Variants in TRAPPC9 observed in about 807,000 individuals in gnomAD.
TRAPPC9 encodes the protein IKK2 binding protein.
TRAPPC9 carries 83 observed loss-of-function variants against 124.0 expected under a neutral mutation model. The observed-to-expected ratio is 0.67, with a 90% CI of 0.56 to 0.80. The LOEUF (loss-of-function observed/expected upper bound fraction) is 0.80, where lower values mean the gene tolerates loss of function less well. TRAPPC9 is among the 30% of genes least tolerant of loss of function. The probability of loss-of-function intolerance (pLI) is 0.00; values close to 1 mark genes in which losing one functional copy is unlikely to be tolerated. For synonymous variants in TRAPPC9, 638 were observed against 617.5 expected (o/e 1.03, Z -0.49); for missense variants, 1,302 against 1,508.3 (o/e 0.86, Z 2.27).
chr8:140,246,759 C>A lies in TRAPPC9; in HGVS notation c.2431+6018G>T, dbSNP rs181948724. Among the ~76,000 whole-genome samples the A allele has an allele frequency of 2.8e-3, 430 of 152,120 alleles. 3 individuals are homozygous for A. Among genetic ancestry groups the A allele is most frequent in the African/African-American group, 9.8e-3 (408 of 41,496 alleles). ...CAGCACTTTGGGAGGCCGAGGCGGG[C>A]GGATCACCTGAGGTCAGGAGTTTGA... On this transcript the variant is annotated intron_variant, in intron 16 of 22. Coordinates refer to ENST00000438773, the MANE Select transcript of TRAPPC9 (RefSeq NM_001160372.4).
At chr8:140,113,495 G>C (rs896620553) in intron 17 of TRAPPC9, among the ~76,000 whole-genome samples, 5 of 152,212 alleles carry the variant, frequency 3.3e-5, no homozygotes, top group Non-Finnish European at 7.3e-5. Context: ...GTCAAGGATG[G>C]GGAGAGAGAC....
intron 21 of TRAPPC9, among the ~76,000 whole-genome samples, chr8:139,789,186 C>T (rs568949828): frequency 1.4e-5 from 2 of 146,856 alleles, no homozygotes; most frequent in East Asian, 1.9e-4. Context: ...ACGGCCTGCC[C>T]GGCGGGCGGG....
intron 8 of TRAPPC9, among the ~76,000 whole-genome samples, chr8:140,368,122 G>A (rs967096995): frequency 7.9e-5 from 12 of 152,140 alleles, no homozygotes; most frequent in Admixed American, 7.9e-4. Context: ...GGCTGTGCTG[G>A]CTGTGCTGAT....
chr8:139,950,069 C>T (rs1834538635), intron 19 of TRAPPC9, among the ~76,000 whole-genome samples: 1 of 152,224 alleles, frequency 6.6e-6, no homozygotes, highest in African/African-American at 2.4e-5. Context: ...TAGCACGGCA[C>T]CCCCTAGAAA....
chr8:140,300,314 C>A (rs2065936999), intron 11 of TRAPPC9, among the ~76,000 whole-genome samples, 155 bp downstream of exon 11: 1 of 151,070 alleles, frequency 6.6e-6, no homozygotes, highest in African/African-American at 2.5e-5. Flanking sequence ...CACACATGCA[C>A]ACACATATAC....
At chr8:139,735,452 C>T (rs1818095984) in intron 21 of TRAPPC9, among the ~76,000 whole-genome samples, 1 of 152,174 alleles carries the variant, frequency 6.6e-6, no homozygotes, top group African/African-American at 2.4e-5. Context: ...GCCCTTCTCC[C>T]TCCTCTACCT....
chr8:140,168,673 G>A (rs1370336977), intron 17 of TRAPPC9, among the ~76,000 whole-genome samples: 1 of 152,198 alleles, frequency 6.6e-6, no homozygotes, highest in Non-Finnish European at 1.5e-5. Context: ...CTCCCTCGAA[G>A]GCAAGGACAG....
chr8:140,204,656 C>T (rs2062878615), intron 17 of TRAPPC9, among the ~76,000 whole-genome samples: 1 of 152,210 alleles, frequency 6.6e-6, no homozygotes. Flanking sequence ...CACTCACTTG[C>T]TCCTGCTCTT....
chr8:140,199,234 A>G (rs532111909), intron 17 of TRAPPC9, among the ~76,000 whole-genome samples: 72 of 152,106 alleles, frequency 4.7e-4, no homozygotes, highest in African/African-American at 1.7e-3. Flanking sequence ...GGAGGGGCCT[A>G]AGGGTCTGTA....
At position 140,166,130 on chromosome 8, in the gene TRAPPC9, T is replaced by C. The variant is rs116117697; in HGVS notation, c.2556+55329A>G. ...AGCAACCTCAGTGCGATAACACTCA[T>C]CATGATGCCCAAAAGGCATGACCGA... On this transcript the variant is annotated intron_variant, in intron 17 of 22. Coordinates refer to ENST00000438773, the MANE Select transcript of TRAPPC9 (RefSeq NM_001160372.4). Among the ~76,000 whole-genome samples, 700 of 152,268 alleles carry C rather than the reference T, an allele frequency of 4.6e-3. 5 individuals are homozygous for C. Among genetic ancestry groups the C allele is most frequent in the African/African-American group, 0.016 (679 of 41,554 alleles).
intron 19 of TRAPPC9, among the ~76,000 whole-genome samples, chr8:139,983,389 C>T (rs1837037509): frequency 6.6e-6 from 1 of 152,166 alleles, no homozygotes; most frequent in Non-Finnish European, 1.5e-5. Flanking sequence ...CATCACCTCT[C>T]CAGGAAGCCC....
At chr8:140,055,711 T>C (rs940216363) in intron 17 of TRAPPC9, among the ~76,000 whole-genome samples, 2 of 152,086 alleles carry the variant, frequency 1.3e-5, no homozygotes, top group Non-Finnish European at 2.9e-5. Flanking sequence ...ACACTAACAA[T>C]GAACTATCAG....
In TRAPPC9 at chr8:140,388,463, C is replaced by T. The variant is rs1456250263; in HGVS notation, c.1134+9157G>A. Among the ~76,000 whole-genome samples, 3 of 152,054 alleles carry T rather than the reference C, an allele frequency of 2.0e-5. No homozygotes were observed. The East Asian group carries it at 5.8e-4, about 29-fold the overall frequency. On this transcript the variant is annotated intron_variant, in intron 7 of 22. Coordinates refer to ENST00000438773, the MANE Select transcript of TRAPPC9 (RefSeq NM_001160372.4). Reference sequence around the variant, plus strand: ...CTTTGGGAGGCCAAGGCGGGCGGATCACCTGAAGTTGGGAGTTTGAGACCA... The same window carrying T: ...CTTTGGGAGGCCAAGGCGGGCGGATTACCTGAAGTTGGGAGTTTGAGACCA...
At chr8:139,925,173 G>C (rs1054923604) in intron 19 of TRAPPC9, among the ~76,000 whole-genome samples, 3 of 152,208 alleles carry the variant, frequency 2.0e-5, no homozygotes, top group Non-Finnish European at 1.5e-5. Context: ...CCACGGGGTG[G>C]CGGCGCCTCC....
chr8:140,228,256 G>C (rs1380550277), intron 16 of TRAPPC9, among the ~76,000 whole-genome samples: 1 of 152,190 alleles, frequency 6.6e-6, no homozygotes, highest in East Asian at 1.9e-4. Flanking sequence ...CGCTCAGTGG[G>C]AGTTTGTCAG....
chr8:139,820,925 G>GTA (rs557496960), intron 21 of TRAPPC9, among the ~76,000 whole-genome samples: 72 of 152,252 alleles, frequency 4.7e-4, no homozygotes, highest in Non-Finnish European at 8.5e-4. Flanking sequence ...GAGTATGTGT[G>GTA]TATATATATG....
Position 139,729,252 on chromosome 8 carries a change from T to C in TRAPPC9, c.*1809A>G, listed in dbSNP as rs1265021253. Among the ~76,000 whole-genome samples the C allele has an allele frequency of 6.6e-6, 1 of 152,232 alleles. No homozygotes were observed. Among genetic ancestry groups the C allele is most frequent in the African/African-American group, 2.4e-5 (1 of 41,460 alleles). On this transcript the variant is annotated 3_prime_UTR_variant, in exon 23 of 23. Transcript: ENST00000438773. ...AGAAAATTTATAATTTGGGGGGACA[T>C]TGTCTACACAAGTGAGGTTGGGCTG...
intron 18 of TRAPPC9, among the ~76,000 whole-genome samples, chr8:140,013,168 G>A: frequency 6.6e-6 from 1 of 152,162 alleles, no homozygotes; most frequent in East Asian, 1.9e-4. Flanking sequence ...CTGCTCGGCA[G>A]GTAAGGGCCA....
chr8:140,377,676 A>C (rs79739982), intron 7 of TRAPPC9, among the ~76,000 whole-genome samples: 5,451 of 152,172 alleles, frequency 0.036, 211 homozygotes, highest in African/African-American at 0.097. Flanking sequence ...ATTAAAAGCC[A>C]ATTAAACAAG....
Sources: allele counts gnomAD v4.1 joint callset (sites outside exome capture counted in the v4.1 genomes callset), GRCh38; gene constraint gnomAD v4.1.1; transcripts MANE v1.5; gene names NCBI Gene and HGNC (gene_info 2026-07-23, HGNC 2026-07-21).